Variants in PRKG1 observed in about 807,000 individuals in gnomAD.
PRKG1 encodes the protein cGMP-dependent protein kinase 1.
Under a neutral mutation model 88.1 loss-of-function variants are expected in PRKG1, and 35 were observed. The observed-to-expected ratio is 0.40, with a 90% CI of 0.30 to 0.53. PRKG1 has a LOEUF of 0.53. Among genes scored for constraint, PRKG1 ranks in the 20% least tolerant of loss-of-function variants. The probability of loss-of-function intolerance (pLI) is 0.59; values close to 1 mark genes in which losing one functional copy is unlikely to be tolerated. For synonymous variants in PRKG1, 303 were observed against 292.5 expected (o/e 1.04, Z -0.37); for missense variants, 540 against 839.8 (o/e 0.64, Z 4.41).
At chr10:51,302,641 G>T (rs748159264) in intron 2 of PRKG1, 1 of 150,240 alleles carries the variant, frequency 6.7e-6, no homozygotes, top group African/African-American at 2.5e-5. Context: ...TGAAGATATT[G>T]TCTTTAGCTG....
intron 1 of PRKG1, among the ~76,000 whole-genome samples, chr10:51,140,244 T>C (rs1845789136): frequency 6.6e-6 from 1 of 152,198 alleles, no homozygotes; most frequent in South Asian, 2.1e-4. Flanking sequence ...ACTTTCTCTG[T>C]CTTAACGATA....
chr10:51,580,545 C>A (rs1018693321), intron 3 of PRKG1, among the ~76,000 whole-genome samples: 2 of 151,922 alleles, frequency 1.3e-5, no homozygotes, highest in African/African-American at 4.8e-5. Context: ...AGCTTTTATA[C>A]CACTCCTCTT....
intron 4 of PRKG1, among the ~76,000 whole-genome samples, chr10:51,856,183 A>G (rs1364734995): frequency 1.3e-5 from 2 of 152,150 alleles, no homozygotes; most frequent in African/African-American, 4.8e-5. Context: ...GAGCCCACCC[A>G]TATAATCCAG....
intron 4 of PRKG1, among the ~76,000 whole-genome samples, chr10:51,889,747 A>G (rs902452046): frequency 1.3e-5 from 2 of 152,162 alleles, no homozygotes; most frequent in Non-Finnish European, 2.9e-5. Context: ...AATGATCGCC[A>G]TTCTAACTGG....
In PRKG1 at chr10:51,226,872, G is replaced by C. The variant is rs549110246; in HGVS notation, c.478+73542G>C. On this transcript the variant is annotated intron_variant, in intron 2 of 17. Transcript: ENST00000373980. ...AAATAAATTACTAAGATTTATAGTA[G>C]TCTGAAACTGAAATTGAGAATTTTT... 2.0e-5 allele frequency among the ~76,000 whole-genome samples: 3 copies of C among 152,172 alleles called. No homozygotes were observed. The South Asian group carries it at 6.2e-4, about 32-fold the overall frequency.
intron 9 of PRKG1, among the ~76,000 whole-genome samples, chr10:52,175,930 C>A (rs1014632668): frequency 1.3e-5 from 2 of 152,116 alleles, no homozygotes; most frequent in Non-Finnish European, 2.9e-5. Flanking sequence ...AATATTTTCT[C>A]TCCTTCTTTA....
At chr10:51,005,278 T>A (rs543586452) in intron 1 of PRKG1, among the ~76,000 whole-genome samples, 1 of 151,480 alleles carries the variant, frequency 6.6e-6, no homozygotes, top group Non-Finnish European at 1.5e-5. Flanking sequence ...TAAAAAAAAA[T>A]AAAATAAAAT....
chr10:51,551,676 A>G (rs1411945417), intron 3 of PRKG1, among the ~76,000 whole-genome samples: 1 of 151,778 alleles, frequency 6.6e-6, no homozygotes, highest in East Asian at 1.9e-4. Context: ...CATGTGAGCT[A>G]TCTTTGAAAA....
chr10:51,359,459 C>CGTGT (rs145482737), intron 2 of PRKG1, among the ~76,000 whole-genome samples: 77 of 130,868 alleles, frequency 5.9e-4, no homozygotes, highest in Non-Finnish European at 1.1e-3. Flanking sequence ...TGTGTGTGTG[C>CGTGT]GTGTGTGTGT....
intron 3 of PRKG1, among the ~76,000 whole-genome samples, chr10:51,726,305 T>C (rs959980737): frequency 2.0e-5 from 3 of 152,230 alleles, no homozygotes; most frequent in Non-Finnish European, 4.4e-5. Context: ...GAGTTCTAAT[T>C]CATTTTATGC....
At chr10:52,186,013 C>T (rs914424720) in intron 9 of PRKG1, among the ~76,000 whole-genome samples, 1 of 141,340 alleles carries the variant, frequency 7.1e-6, no homozygotes, top group Non-Finnish European at 1.5e-5. Context: ...CCTTCGAGGC[C>T]TTTTGCCCAT....
At chr10:52,228,313 G>C (rs545131815) in intron 9 of PRKG1, among the ~76,000 whole-genome samples, 23 of 151,838 alleles carry the variant, frequency 1.5e-4, no homozygotes, top group African/African-American at 5.6e-4. Flanking sequence ...TGAAGAGGTC[G>C]CAGCTAATCC....
intron 4 of PRKG1, among the ~76,000 whole-genome samples, chr10:51,868,634 A>C (rs1401315814): frequency 1.3e-5 from 2 of 152,040 alleles, no homozygotes; most frequent in Non-Finnish European, 2.9e-5. Flanking sequence ...CCCAACCCAC[A>C]GTTTCCCCCT....
chr10:52,182,638 C>A (rs1839069884), intron 9 of PRKG1, among the ~76,000 whole-genome samples: 1 of 143,926 alleles, frequency 6.9e-6, no homozygotes, highest in Non-Finnish European at 1.5e-5. Flanking sequence ...GATCCAGTTT[C>A]AGCTTTCTCC....
chr10:51,173,553 A>T (rs1223165802), intron 2 of PRKG1, among the ~76,000 whole-genome samples: 1 of 151,918 alleles, frequency 6.6e-6, no homozygotes, highest in East Asian at 1.9e-4. Flanking sequence ...GAGATAATTT[A>T]TTGAGCTAAT....
At chr10:51,977,465 T>C (rs958680238) in intron 5 of PRKG1, among the ~76,000 whole-genome samples, 2 of 152,022 alleles carry the variant, frequency 1.3e-5, no homozygotes, top group Non-Finnish European at 2.9e-5. Context: ...GAATGATTGA[T>C]ATTCTTTGGG....
chr10:51,631,893 T>C (rs758455758), intron 3 of PRKG1, among the ~76,000 whole-genome samples: 10 of 152,150 alleles, frequency 6.6e-5, no homozygotes, highest in Non-Finnish European at 1.2e-4. Context: ...TACCTCTCCA[T>C]GGCCCAGGAA....
intron 8 of PRKG1, among the ~76,000 whole-genome samples, chr10:52,145,525 C>T (rs962365445): frequency 4.6e-5 from 7 of 152,018 alleles, no homozygotes; most frequent in Admixed American, 1.3e-4. Flanking sequence ...TTTGAGGAGA[C>T]GTTATAATGC....
chr10:51,924,507 A>C lies in PRKG1; in HGVS notation c.762+16937A>C, dbSNP rs117558615. On this transcript the variant is annotated intron_variant, in intron 5 of 17. Coordinates refer to ENST00000373980, the MANE Select transcript of PRKG1 (RefSeq NM_006258.4). ...TTTTCATCAGTTTGATGTGATACAC[A>C]CAGGTGTGAATTATTGGGTGTTTAT... Among the ~76,000 whole-genome samples, 1,411 of 152,166 alleles carry C rather than the reference A, an allele frequency of 9.3e-3. 9 individuals carry two copies. The highest frequency in any genetic ancestry group is 0.015 in the Non-Finnish European group (1,004 of 67,986).
Sources: gnomAD v4.1 joint callset for allele counts (sites outside exome capture counted in the v4.1 genomes callset) on GRCh38, gnomAD v4.1.1 for gene constraint, MANE v1.5 for transcripts, NCBI Gene and HGNC (gene_info 2026-07-23, HGNC 2026-07-21) for gene names.